The following FCN1 variants were observed in gnomAD, a reference collection of about 807,000 sequenced individuals.
FCN1 encodes ficolin-1.
FCN1 carries 42 observed loss-of-function variants against 35.6 expected under a neutral mutation model. The ratio of observed to expected loss-of-function variants is 1.18; its 90% CI spans 0.92 to 1.53. FCN1 has a LOEUF of 1.53. Ranked by LOEUF, FCN1 falls within the 40% of genes most tolerant of loss-of-function variation. The pLI is 0.00. For synonymous variants in FCN1, 179 were observed against 169.8 expected (o/e 1.05, Z -0.42); for missense variants, 439 against 428.4 (o/e 1.02, Z -0.22).
intron 1 of FCN1, among the ~76,000 whole-genome samples, chr9:134,917,304 G>A (rs1831103807): frequency 6.6e-6 from 1 of 152,126 alleles, no homozygotes; most frequent in Admixed American, 6.5e-5. Context: ...AATCAGTGAG[G>A]GAAACACCTT....
chr9:134,909,535 AGT>A lies in FCN1; in HGVS notation c.*261_*262del. The A allele has an allele frequency of 7.2e-7, 1 of 1,391,068 alleles. No individual in the cohort carries two copies. Among genetic ancestry groups the A allele is most frequent in the Non-Finnish European group, 9.5e-7 (1 of 1,054,526 alleles). The allele number at this position is 1,391,068 out of a possible 1,614,324, so 86.2% of individuals were successfully genotyped here. A position where few individuals can be genotyped will look rare whatever the true frequency, so the allele number is the denominator to read the frequency against. On this transcript the variant is annotated 3_prime_UTR_variant, in exon 9 of 9. Coordinates refer to ENST00000371806, the MANE Select transcript of FCN1 (RefSeq NM_002003.5). The stretch of plus-strand genomic sequence containing the variant: ...ACCTGCCGTGCAACAGACACAGGAA[AGT>A]GATCAAAACCACTGGTGTTCAAGAA...
At chr9:134,914,707 G>T in intron 3 of FCN1, 49 bp downstream of exon 3, 1 of 1,354,966 alleles carries the variant, frequency 7.4e-7, no homozygotes. Context: ...ATTACAGACA[G>T]CTCCAAGGTC....
rs767622691 is a variant in FCN1, at chr9:134,916,348, C to T, written c.217G>A (p.Gly73Arg). 1 of 1,612,486 alleles carries T rather than the reference C, an allele frequency of 6.2e-7. No homozygotes were observed. Among genetic ancestry groups the T allele is most frequent in the South Asian group, 1.1e-5 (1 of 91,060 alleles). Residue 73 changes from glycine to arginine, a missense_variant and splice_region_variant, in exon 2 of 9, where the codon GGA becomes AGA. By Grantham distance (125) the Gly-to-Arg change is moderately radical. Transcript: ENST00000371806. ...GCCTCCCCACCCGGCCCGCACCTAC[C>T]TCTCTCTCCAATGACACCTGCCTCT... Reference protein sequence around the residue: ...KGEAGVIGERGERGLPGAPGK... With the variant: ...KGEAGVIGERRERGLPGAPGK...
chr9:134,916,308 C>T (rs756798458), intron 2 of FCN1, 40 bp downstream of exon 2: 162 of 1,445,170 alleles, frequency 1.1e-4, no homozygotes, highest in Admixed American at 1.1e-3. Context: ...AGAGCCAGTG[C>T]CCCTGCCATG....
At chr9:134,916,792 G>T (rs896170580) in intron 1 of FCN1, among the ~76,000 whole-genome samples, 2 of 152,242 alleles carry the variant, frequency 1.3e-5, no homozygotes, top group African/African-American at 2.4e-5. Flanking sequence ...CATTTAGAAA[G>T]AGCTTAATAA....
intron 5 of FCN1, 143 bp from the exon 6 acceptor site, chr9:134,913,286 G>A (rs112792644): frequency 7.0e-6 from 8 of 1,146,008 alleles, no homozygotes; most frequent in East Asian, 2.6e-5. Context: ...ACAGGGACAC[G>A]GCCCCCAGGG....
intron 2 of FCN1, among the ~76,000 whole-genome samples, chr9:134,915,717 A>T (rs947315886): frequency 6.6e-6 from 1 of 152,206 alleles, no homozygotes; most frequent in Non-Finnish European, 1.5e-5. Flanking sequence ...GCGTCCAGGC[A>T]TGGGGAGCTC....
Position 134,916,831 on chromosome 9 carries a change from A to C in FCN1, c.104-370T>G, listed in dbSNP as rs139321420. ...GCGGGCACTTTCAATAACTAATGAC[A>C]ATCAATATTTCTAAGAAACTTGGGG... On this transcript the variant is annotated intron_variant, in intron 1 of 8. Coordinates refer to ENST00000371806, the MANE Select transcript of FCN1 (RefSeq NM_002003.5). 5.0e-3 allele frequency among the ~76,000 whole-genome samples: 764 copies of C among 152,316 alleles called. 12 individuals carry two copies. Among genetic ancestry groups the C allele is most frequent in the African/African-American group, 0.018 (732 of 41,534 alleles).
At position 134,906,959 on chromosome 9, in the gene FCN1, C is replaced by G. The variant is rs1257575266; in HGVS notation, c.*2839G>C. The G allele has an allele frequency of 6.6e-6, 1 of 152,094 alleles. No individual in the cohort carries two copies. The highest frequency in any genetic ancestry group is 2.4e-5 in the African/African-American group (1 of 41,402). The allele number at this position is 152,094 out of a possible 1,614,324, so 9.4% of individuals were successfully genotyped here. ...TGGTTGTGTGTGCCTGTGATCCCAG[C>G]TACTTGGGAGGCTGAAGCATGAGAA... On this transcript the variant is annotated 3_prime_UTR_variant, in exon 9 of 9. Transcript: ENST00000371806.
rs1362131268 is a variant in FCN1 at position 134,909,249 on chromosome 9, A to C, written c.*549T>G. ...CATGAACTCTGCCGTGGTGGGAAGC[A>C]GAAAAGTTCCTACTAAACTTTCCCC... is the stretch of plus-strand genomic sequence containing the variant. On this transcript the variant is annotated 3_prime_UTR_variant, in exon 9 of 9. Coordinates refer to ENST00000371806, the MANE Select transcript of FCN1 (RefSeq NM_002003.5). The C allele has an allele frequency of 2.3e-6, 3 of 1,289,812 alleles. No individual in the cohort carries two copies. Among genetic ancestry groups the C allele is most frequent in the East Asian group, 1.1e-4 (2 of 18,014 alleles). The allele number at this position is 1,289,812 out of a possible 1,614,324, so 79.9% of individuals were successfully genotyped here.
intron 1 of FCN1, 45 bp downstream of exon 1, chr9:134,917,724 G>A: frequency 7.7e-7 from 1 of 1,303,674 alleles, no homozygotes; most frequent in Non-Finnish European, 1.1e-6. Context: ...AGTGAGTGGG[G>A]TTGTTACCAG....
intron 5 of FCN1, 24 bp downstream of exon 5, chr9:134,913,557 C>T (rs376398394): frequency 2.9e-5 from 47 of 1,595,886 alleles, no homozygotes; most frequent in South Asian, 2.0e-4. Flanking sequence ...GCTTGGGTAC[C>T]GAGGTCAGGG....
Position 134,909,349 on chromosome 9 carries a change from G to A in FCN1, c.*449C>T, listed in dbSNP as rs1830991608. The A allele has an allele frequency of 1.6e-6, 2 of 1,289,422 alleles. No individual in the cohort carries two copies. Among genetic ancestry groups the A allele is most frequent in the Non-Finnish European group, 2.0e-6 (2 of 988,770 alleles). 79.9% of individuals were successfully genotyped at this position (1,289,422 alleles called of 1,614,324 possible). Reference sequence around the variant, plus strand: ...GTGAAGTGTTGTGAGTGAGGCATGGGGGGATGGGGGAGGCTTGGGGGTGGA... The same window carrying A: ...GTGAAGTGTTGTGAGTGAGGCATGGAGGGATGGGGGAGGCTTGGGGGTGGA... On this transcript the variant is annotated 3_prime_UTR_variant, in exon 9 of 9. Coordinates refer to ENST00000371806, the MANE Select transcript of FCN1 (RefSeq NM_002003.5).
rs1408773478 is a variant in FCN1 at position 134,907,067 on chromosome 9, G to A, written c.*2731C>T. 1 of 152,028 alleles carries A rather than the reference G, an allele frequency of 6.6e-6. No homozygotes were observed. Among genetic ancestry groups the A allele is most frequent in the Non-Finnish European group, 1.5e-5 (1 of 68,002 alleles). The allele number at this position is 152,028 out of a possible 1,614,324, so 9.4% of individuals were successfully genotyped here. On this transcript the variant is annotated 3_prime_UTR_variant, in exon 9 of 9. Transcript: ENST00000371806. ...AGCCTGGGTGGCAGAGTAAAACTCT[G>A]TCTCAAAAAACAAACTAAAAGGCAT...
At position 134,914,804 on chromosome 9, in the gene FCN1, G is replaced by A. The variant is rs761901711; in HGVS notation, c.223C>T (p.Arg75Cys). 1.1e-5 allele frequency: 17 copies of A among 1,611,600 alleles called. No homozygotes were observed. The highest frequency in any genetic ancestry group is 1.7e-4 in the Middle Eastern group (1 of 6,052). The part of the protein sequence containing the change: ...EAGVIGERGE[R>C]GLPGAPGKAG... ...TTTCCAGGGGCTCCAGGGAGACCGC[G>A]TTCTCCTGAAAATTCCAAAGACATA... Residue 75 changes from arginine (R) to cysteine (C), a missense_variant, in exon 3 of 9, where the codon CGC becomes TGC. Coordinates refer to ENST00000371806, the MANE Select transcript of FCN1 (RefSeq NM_002003.5).
chr9:134,913,801 G>T (rs1205610240), intron 4 of FCN1, among the ~76,000 whole-genome samples, 188 bp from the exon 5 acceptor site: 1 of 152,226 alleles, frequency 6.6e-6, no homozygotes, highest in Non-Finnish European at 1.5e-5. Flanking sequence ...CCAGCCACAT[G>T]GTTGTCCATA....
chr9:134,912,297 G>T (rs775731689), intron 7 of FCN1, among the ~76,000 whole-genome samples, 189 bp downstream of exon 7: 1 of 152,212 alleles, frequency 6.6e-6, no homozygotes, highest in Non-Finnish European at 1.5e-5. Flanking sequence ...GGCTCTAACC[G>T]TTTCCCTTCC....
intron 4 of FCN1, 98 bp from the exon 5 acceptor site, chr9:134,913,711 A>G: frequency 1.1e-6 from 1 of 881,794 alleles, no homozygotes; most frequent in Non-Finnish European, 1.7e-6. Context: ...GAGAATGGGC[A>G]AAGGCAGCTC....
At position 134,905,297 on chromosome 9, in the gene FCN1, G is replaced by A. The variant is rs1830928856; in HGVS notation, c.*4501C>T. On this transcript the variant is annotated 3_prime_UTR_variant, in exon 9 of 9. Coordinates refer to ENST00000371806, the MANE Select transcript of FCN1 (RefSeq NM_002003.5). Reference sequence around the variant, plus strand: ...CCCAAATGTTGCTGGATGGGCCCACGCCTACACTCCTACTTGAGAGGTCCC... The same window carrying A: ...CCCAAATGTTGCTGGATGGGCCCACACCTACACTCCTACTTGAGAGGTCCC... Among the ~76,000 whole-genome samples the A allele has an allele frequency of 6.6e-6, 1 of 152,176 alleles. No individual in the cohort carries two copies. Among genetic ancestry groups the A allele is most frequent in the African/African-American group, 2.4e-5 (1 of 41,432 alleles).
Sources: allele counts gnomAD v4.1 joint callset (sites outside exome capture counted in the v4.1 genomes callset), GRCh38; gene constraint gnomAD v4.1.1; transcripts MANE v1.5; gene names NCBI Gene and HGNC (gene_info 2026-07-23, HGNC 2026-07-21).